The following TMEM234 variants were observed in gnomAD, a reference collection of about 807,000 sequenced individuals.
The protein encoded by TMEM234 is chromosome 1 open reading frame 91.
In TMEM234, 21 loss-of-function variants were observed where a neutral mutation model predicts 17.8. That is an observed-to-expected ratio of 1.18 (90% confidence interval 0.84 to 1.70). The LOEUF is 1.70. Among genes scored for constraint, TMEM234 ranks in the 40% most tolerant of loss-of-function variants. TMEM234 has a pLI of 0.00. For missense variants in TMEM234, 137 were observed against 166.9 expected (o/e 0.82, Z 0.99); for synonymous variants, 83 against 73.5 (o/e 1.13, Z -0.66).
At chr1:32,215,109 G>C, downstream of TMEM234, 1 of 845,366 alleles carries the variant, frequency 1.2e-6, no homozygotes, top group Non-Finnish European at 1.7e-6. Context: ...GAGACTGCCC[G>C]TAAAAAAAAA....
At position 32,217,269 on chromosome 1, in the gene TMEM234, A is replaced by G. The variant is rs779447808; in HGVS notation, c.318T>C (p.Ile106=). 4 of 1,614,144 alleles carry G rather than the reference A, an allele frequency of 2.5e-6. No individual in the cohort carries two copies. The highest frequency in any genetic ancestry group is 2.5e-6 in the Non-Finnish European group (3 of 1,180,044). ...LIVGKALGED[I]GGKRAVAGMV... ...AGTAGTCTAACTTACGTTTTCCACCAATATCTTCTCCAAGGGCCTTCCCAA... is the reference window on the plus strand; with the variant it reads ...AGTAGTCTAACTTACGTTTTCCACCGATATCTTCTCCAAGGGCCTTCCCAA... The change falls in exon 4 of 5, where the codon ATT becomes ATC. Residue 106 remains isoleucine, a synonymous_variant. Coordinates refer to ENST00000309777, the MANE Select transcript of TMEM234 (RefSeq NM_019118.5).
downstream of TMEM234, chr1:32,215,548 G>A (rs765420044): frequency 6.2e-7 from 1 of 1,612,298 alleles, no homozygotes; most frequent in Non-Finnish European, 8.5e-7. Context: ...GATCAGGTAA[G>A]CTGTTGGATC....
chr1:32,219,264 G>A (rs916577166), intron 3 of TMEM234, among the ~76,000 whole-genome samples: 4 of 152,216 alleles, frequency 2.6e-5, no homozygotes, highest in African/African-American at 9.7e-5. Context: ...GCTCGCCTGT[G>A]TGAGGCAAAG....
chr1:32,219,950 T>C (rs577678568), intron 3 of TMEM234, among the ~76,000 whole-genome samples: 5 of 152,286 alleles, frequency 3.3e-5, no homozygotes, highest in Admixed American at 1.3e-4. Context: ...CTGGCTGAAG[T>C]GGATGCTTCA....
downstream of TMEM234, chr1:32,215,371 A>G: frequency 7.6e-7 from 1 of 1,312,818 alleles, no homozygotes; most frequent in South Asian, 1.4e-5. Flanking sequence ...GGCTAGCATG[A>G]AGGTCCAGGG....
chr1:32,215,640 T>A (rs868789964), downstream of TMEM234: 79 of 1,207,704 alleles, frequency 6.5e-5, 2 homozygotes, highest in Middle Eastern at 6.3e-3. Context: ...TCCTCCCTTG[T>A]GATTGAAAGT....
Position 32,222,015 on chromosome 1 carries a change from T to C in TMEM234, c.20A>G (p.Gln7Arg), listed in dbSNP as rs200032113. ...GGCCACCAGCACCAGAGCCAACACCTGCCCTGAATGCAGACGAGTGAGTCA... is the reference window on the plus strand; with the variant it reads ...GGCCACCAGCACCAGAGCCAACACCCGCCCTGAATGCAGACGAGTGAGTCA... MAASLG[Q>R]VLALVLVAAL... The change falls in exon 2 of 5, where the codon CAG (glutamine) becomes CGG (arginine). Residue 7 changes from glutamine to arginine, a missense_variant. Physicochemically the swap from Gln to Arg is conservative, Grantham distance 43. Coordinates refer to ENST00000309777, the MANE Select transcript of TMEM234 (RefSeq NM_019118.5). 1.1e-3 allele frequency: 1,750 copies of C among 1,609,834 alleles called. No individual in the cohort carries two copies. The highest frequency in any genetic ancestry group is 1.8e-3 in the Middle Eastern group (9 of 5,050).
chr1:32,218,205 A>G (rs962639094), intron 3 of TMEM234, among the ~76,000 whole-genome samples: 3 of 152,124 alleles, frequency 2.0e-5, no homozygotes, highest in Non-Finnish European at 4.4e-5. Context: ...CGGGCGGATC[A>G]CCTGAGGTCA....
Position 32,216,353 on chromosome 1 carries a change from C to T in TMEM234, c.*500G>A, listed in dbSNP as rs1638379600. 1 of 1,548,320 alleles carries T rather than the reference C, an allele frequency of 6.5e-7. No individual in the cohort carries two copies. Among genetic ancestry groups the T allele is most frequent in the Non-Finnish European group, 8.7e-7 (1 of 1,145,828 alleles). The stretch of plus-strand genomic sequence containing the variant: ...TGGGGCAGGCAAGGCTAATAGACAG[C>T]TCATTTCCTGCATCTGCCACTCCGA... On this transcript the variant is annotated 3_prime_UTR_variant, in exon 5 of 5. Transcript: ENST00000309777.
downstream of TMEM234, chr1:32,215,799 C>T (rs1638334102): frequency 5.8e-6 from 9 of 1,549,938 alleles, no homozygotes; most frequent in Non-Finnish European, 7.9e-6. Context: ...CCACCTCCTG[C>T]AGAGGGCAGC....
chr1:32,215,867 C>T, downstream of TMEM234: 1 of 1,552,248 alleles, frequency 6.4e-7, no homozygotes, highest in Non-Finnish European at 8.7e-7. Context: ...GGGCTGCTAT[C>T]TCAGCCTCAG....
At chr1:32,222,206 G>T in intron 1 of TMEM234, 101 bp downstream of exon 1, 1 of 1,505,132 alleles carries the variant, frequency 6.6e-7, no homozygotes. Flanking sequence ...CCGGCCTCTG[G>T]GGTTGTAGCA....
At chr1:32,218,149 G>A (rs1010898030) in intron 3 of TMEM234, among the ~76,000 whole-genome samples, 3 of 152,262 alleles carry the variant, frequency 2.0e-5, no homozygotes, top group African/African-American at 7.2e-5. Context: ...TTGGCTGGGT[G>A]CAGGGTGGCT....
chr1:32,221,754 T>C, intron 2 of TMEM234, 113 bp downstream of exon 2: 1 of 1,444,208 alleles, frequency 6.9e-7, no homozygotes, highest in Non-Finnish European at 9.4e-7. Flanking sequence ...CAACTGACTT[T>C]TCCGAGAATT....
intron 3 of TMEM234, among the ~76,000 whole-genome samples, chr1:32,220,374 A>C (rs1479498625): frequency 3.9e-5 from 6 of 152,280 alleles, no homozygotes; most frequent in Non-Finnish European, 2.9e-5. Context: ...ACGGGGTTTC[A>C]GCATGTTGGC....
chr1:32,215,857 G>A, downstream of TMEM234: 2 of 1,552,894 alleles, frequency 1.3e-6, no homozygotes, highest in Non-Finnish European at 1.7e-6. Context: ...CCTGGGGCTG[G>A]GGCTGCTATC....
At chr1:32,215,677 T>C, downstream of TMEM234, 1 of 1,106,482 alleles carries the variant, frequency 9.0e-7, no homozygotes. Flanking sequence ...TCCTACCTTG[T>C]TAAATGAGGA....
intron 3 of TMEM234, among the ~76,000 whole-genome samples, chr1:32,220,219 G>C (rs1472361002): frequency 6.6e-6 from 1 of 152,168 alleles, no homozygotes; most frequent in Non-Finnish European, 1.5e-5. Context: ...CTGTTGCCCA[G>C]GGACTGGAGT....
intron 3 of TMEM234, among the ~76,000 whole-genome samples, chr1:32,219,257 C>CAAAGGA (rs1638682815): frequency 6.6e-6 from 1 of 152,214 alleles, no homozygotes; most frequent in African/African-American, 2.4e-5. Context: ...TCCCAGGGCT[C>CAAAGGA]GCCTGTGTGA....
Sources: allele counts gnomAD v4.1 joint callset (sites outside exome capture counted in the v4.1 genomes callset), GRCh38; gene constraint gnomAD v4.1.1; transcripts MANE v1.5; gene names NCBI Gene and HGNC (gene_info 2026-07-23, HGNC 2026-07-21).